The following NSUN6 variants were observed in gnomAD, a reference collection of about 807,000 sequenced individuals.
NSUN6 encodes the protein tRNA (cytosine(72)-C(5))-methyltransferase NSUN6.
NSUN6 carries 64 observed loss-of-function variants against 58.0 expected under a neutral mutation model. That is an observed-to-expected ratio of 1.10 (90% CI 0.90 to 1.36). The LOEUF is 1.36. Ranked by LOEUF, NSUN6 falls within the 40% of genes most tolerant of loss-of-function variation. The pLI, the probability that NSUN6 is intolerant of heterozygous loss-of-function variation, is 0.00. For synonymous variants in NSUN6, 231 were observed against 193.9 expected (o/e 1.19, Z -1.59); for missense variants, 701 against 550.1 (o/e 1.27, Z -2.74).
At chr10:18,550,931 G>A (rs2054560322) in intron 9 of NSUN6, among the ~76,000 whole-genome samples, 1 of 151,916 alleles carries the variant, frequency 6.6e-6, no homozygotes, top group Non-Finnish European at 1.5e-5. Flanking sequence ...TTGCCATGTT[G>A]GCCAGGCTGG....
In NSUN6 at chr10:18,613,016, T is replaced by C. The variant is rs141600343; in HGVS notation, c.575+1444A>G. On this transcript the variant is annotated intron_variant, in intron 5 of 10. Transcript: ENST00000377304. ...TAAGAAACAGGGTGTACATGTAGCA[T>C]TTCTGTTATAGCAGCCTGCTTCTTC... is the stretch of plus-strand genomic sequence containing the variant. Among the ~76,000 whole-genome samples the C allele has an allele frequency of 8.3e-3, 1,263 of 152,354 alleles. 14 individuals are homozygous for C. The highest frequency in any genetic ancestry group is 0.033 in the South Asian group (159 of 4,828).
intron 8 of NSUN6, among the ~76,000 whole-genome samples, chr10:18,558,422 G>A (rs1029101684): frequency 1.9e-4 from 29 of 151,288 alleles, no homozygotes; most frequent in Admixed American, 9.3e-4. Flanking sequence ...AGAATGGAAT[G>A]TAATGGAATG....
At chr10:18,553,788 G>C (rs142661785) in intron 8 of NSUN6, among the ~76,000 whole-genome samples, 103 of 150,862 alleles carry the variant, frequency 6.8e-4, no homozygotes, top group African/African-American at 2.3e-3. Context: ...GAATGGAATA[G>C]AGAATGGAGA....
At chr10:18,560,046 AGAATGGAATGAAATGGAAAATGGAATG>A (rs2055367794) in intron 8 of NSUN6, among the ~76,000 whole-genome samples, 1 of 143,942 alleles carries the variant, frequency 6.9e-6, no homozygotes, top group East Asian at 2.1e-4. Flanking sequence ...GCTGGAATGG[AGAATGGAATGAAATGGAAAATGGAATG>A]GAATGGAATG....
intron 6 of NSUN6, among the ~76,000 whole-genome samples, chr10:18,601,549 T>C (rs2057839842): frequency 7.5e-6 from 1 of 132,616 alleles, no homozygotes; most frequent in Non-Finnish European, 1.6e-5. Context: ...ATAACAGTTA[T>C]GAGCAGAACT....
chr10:18,588,748 C>A (rs2057267677), intron 7 of NSUN6, among the ~76,000 whole-genome samples: 1 of 152,164 alleles, frequency 6.6e-6, no homozygotes, highest in Non-Finnish European at 1.5e-5. Flanking sequence ...ACCCCCACAA[C>A]AATCCCATCC....
chr10:18,545,912 T>C lies in NSUN6; in HGVS notation c.*21A>G. ...GACAGCAAATGTTTGGAATTTTCAT[T>C]TCTGAGCATCCATCCCTCTCCTATG... On this transcript the variant is annotated 3_prime_UTR_variant, in exon 11 of 11. Transcript: ENST00000377304. The C allele has an allele frequency of 7.6e-7, 1 of 1,321,192 alleles. No homozygotes were observed. The highest frequency in any genetic ancestry group is 1.2e-5 in the South Asian group (1 of 80,158). The allele number at this position is 1,321,192 out of a possible 1,614,324, so 81.8% of individuals were successfully genotyped here. A position where few individuals can be genotyped will look rare whatever the true frequency, so the allele number is the denominator to read the frequency against.
At chr10:18,618,305 G>C (rs1475337098) in intron 3 of NSUN6, among the ~76,000 whole-genome samples, 5 of 152,094 alleles carry the variant, frequency 3.3e-5, no homozygotes, top group African/African-American at 9.7e-5. Context: ...TTTTTCATCA[G>C]TGATAGAAAT....
chr10:18,632,265 T>G (rs1241400566), intron 3 of NSUN6, among the ~76,000 whole-genome samples: 2 of 150,574 alleles, frequency 1.3e-5, no homozygotes, highest in African/African-American at 4.9e-5. Context: ...CAAGATGGAT[T>G]AAAGACTTAA....
At chr10:18,600,963 T>TATATATATATATAC (rs1564785022) in intron 6 of NSUN6, among the ~76,000 whole-genome samples, 2 of 71,514 alleles carry the variant, frequency 2.8e-5, no homozygotes, top group African/African-American at 9.4e-5. Context: ...TATATATACA[T>TATATATATATATAC]ATATATATAT....
chr10:18,569,185 A>T (rs1040845585), intron 8 of NSUN6, among the ~76,000 whole-genome samples: 1 of 144,800 alleles, frequency 6.9e-6, no homozygotes, highest in African/African-American at 2.6e-5. Flanking sequence ...ATTCCATTCC[A>T]TTCTCCATTC....
chr10:18,575,497 A>C (rs563157943), intron 8 of NSUN6, among the ~76,000 whole-genome samples: 1 of 152,298 alleles, frequency 6.6e-6, no homozygotes, highest in East Asian at 1.9e-4. Flanking sequence ...ACTAATAGAG[A>C]ACATTGATTC....
chr10:18,652,396 G>GT (rs2059724881), upstream of NSUN6: 2 of 983,830 alleles, frequency 2.0e-6, no homozygotes, highest in Non-Finnish European at 2.4e-6. Flanking sequence ...ATAGGAAAGG[G>GT]TTTTTTATTG....
chr10:18,573,103 C>T (rs978650795), intron 8 of NSUN6, among the ~76,000 whole-genome samples: 1 of 151,076 alleles, frequency 6.6e-6, no homozygotes, highest in African/African-American at 2.4e-5. Flanking sequence ...ATTCCATCCT[C>T]CGTTACACTC....
At chr10:18,632,315 T>A (rs1022300698) in intron 3 of NSUN6, among the ~76,000 whole-genome samples, 1 of 136,680 alleles carries the variant, frequency 7.3e-6, no homozygotes, top group African/African-American at 2.7e-5. Flanking sequence ...GAAGAAAACC[T>A]AGGCATTACC....
At chr10:18,601,519 C>T (rs2057837497) in intron 6 of NSUN6, among the ~76,000 whole-genome samples, 1 of 140,808 alleles carries the variant, frequency 7.1e-6, no homozygotes, top group South Asian at 2.5e-4. Flanking sequence ...GAGTAATTTT[C>T]CTAGTGGCTG....
intron 9 of NSUN6, among the ~76,000 whole-genome samples, chr10:18,551,245 TGTG>T (rs1270723726): frequency 1.4e-3 from 8 of 5,806 alleles, no homozygotes; most frequent in African/African-American, 5.9e-3. Flanking sequence ...TCCTCTCAGT[TGTG>T]TGTGTGTGTG....
chr10:18,642,696 T>C (rs945002515), intron 2 of NSUN6, 141 bp from the exon 3 acceptor site: 5 of 493,010 alleles, frequency 1.0e-5, no homozygotes, highest in Non-Finnish European at 1.8e-5. Flanking sequence ...CGGGATACTG[T>C]AAAAATCCAA....
upstream of NSUN6, chr10:18,654,458 G>T (rs2059756230): frequency 1.3e-5 from 2 of 152,166 alleles, no homozygotes; most frequent in African/African-American, 4.8e-5. Context: ...AAACCTGAAT[G>T]GTTCTATGAA....
Sources: gnomAD v4.1 joint callset for allele counts (sites outside exome capture counted in the v4.1 genomes callset) on GRCh38, gnomAD v4.1.1 for gene constraint, MANE v1.5 for transcripts, NCBI Gene and HGNC (gene_info 2026-07-23, HGNC 2026-07-21) for gene names.